ATAD2B: variants seen among roughly 807,000 people sequenced by gnomAD.
ATAD2B encodes ATPase family AAA domain-containing protein 2B.
A neutral mutation model predicts 167.6 loss-of-function variants in ATAD2B; 40 were observed. The ratio of observed to expected loss-of-function variants is 0.24; its 90% confidence interval spans 0.19 to 0.31. ATAD2B has a LOEUF of 0.31. ATAD2B is among the 10% of genes least tolerant of loss of function. The pLI is 1.00. For synonymous variants in ATAD2B, 579 were observed against 596.5 expected, an observed-to-expected ratio of 0.97 and a Z score of 0.43; for missense variants, 1,242 against 1,757.2, an observed-to-expected ratio of 0.71 and a Z score of 5.24.
chr2:23,817,173 A>G (rs1228922009), intron 17 of ATAD2B, among the ~76,000 whole-genome samples: 1 of 152,218 alleles, frequency 6.6e-6, no homozygotes, highest in Non-Finnish European at 1.5e-5. Flanking sequence ...TAAAGAAGCA[A>G]TGCAATTCCC....
chr2:23,695,578 T>G, the ATAD2B span: 4 of 1,363,380 alleles, frequency 2.9e-6, no homozygotes, highest in East Asian at 2.5e-5. This position sits in a 1 kb window ranked among gnomAD's most constrained non-coding sequence, Gnocchi z 7.6. Context: ...GGGAGGTGGC[T>G]CTCTCTTGCT....
the ATAD2B span, among the ~76,000 whole-genome samples, chr2:23,714,303 G>C: frequency 6.7e-6 from 1 of 149,182 alleles, no homozygotes; most frequent in African/African-American, 2.5e-5. Context: ...GCAGTGGCGC[G>C]ATCTCGGCTC....
intron 18 of ATAD2B, among the ~76,000 whole-genome samples, chr2:23,807,815 T>TA (rs375966207): frequency 1.2e-4 from 14 of 119,504 alleles, no homozygotes; most frequent in African/African-American, 4.1e-4. Flanking sequence ...GACTCCATCT[T>TA]AAAAAAAAAA....
At chr2:23,926,223 C>G (rs1482666576) in intron 1 of ATAD2B, among the ~76,000 whole-genome samples, 3 of 152,206 alleles carry the variant, frequency 2.0e-5, no homozygotes, top group Admixed American at 2.0e-4. Flanking sequence ...TCTGGCCCTT[C>G]GCTCTTGCTT....
At chr2:23,789,149 C>T (rs1681271433) in intron 19 of ATAD2B, among the ~76,000 whole-genome samples, 1 of 151,984 alleles carries the variant, frequency 6.6e-6, no homozygotes. Flanking sequence ...GAAACTATAC[C>T]TCTAGTCTAG....
chr2:23,911,523 C>T (rs1702298539), intron 1 of ATAD2B, among the ~76,000 whole-genome samples: 1 of 151,598 alleles, frequency 6.6e-6, no homozygotes, highest in Admixed American at 6.6e-5. Flanking sequence ...CCTCTTCACT[C>T]CAGCCTGGAT....
At chr2:23,807,981 TTATA>T (rs568617418) in intron 18 of ATAD2B, among the ~76,000 whole-genome samples, 1,481 of 126,742 alleles carry the variant, frequency 0.012, 26 homozygotes, top group African/African-American at 0.043. Context: ...ATAAATATAT[TTATA>T]TATAAATTTA....
intron 19 of ATAD2B, 75 bp from the exon 20 acceptor site, chr2:23,788,722 T>C (rs1402052992): frequency 8.3e-6 from 8 of 967,890 alleles, no homozygotes; most frequent in East Asian, 2.8e-5. Context: ...CAAATTGCAA[T>C]GTCTTCATCT....
intron 15 of ATAD2B, among the ~76,000 whole-genome samples, chr2:23,827,462 G>A (rs1191492661): frequency 6.6e-6 from 1 of 152,162 alleles, no homozygotes; most frequent in Admixed American, 6.6e-5. Context: ...GTAATTTAGA[G>A]TACCTATCTC....
intron 1 of ATAD2B, among the ~76,000 whole-genome samples, chr2:23,906,460 T>A (rs4665644): frequency 0.45 from 68,479 of 151,984 alleles, 16,330 homozygotes; most frequent in East Asian, 0.78. Flanking sequence ...ATATTAGAAC[T>A]ATTAGAAAGG....
chr2:23,864,751 A>T, intron 11 of ATAD2B, 58 bp downstream of exon 11: 1 of 765,374 alleles, frequency 1.3e-6, no homozygotes. Context: ...AATTTACTCA[A>T]ATAACATTTG....
intron 1 of ATAD2B, among the ~76,000 whole-genome samples, chr2:23,902,736 A>G (rs551450129): frequency 1.3e-5 from 2 of 152,300 alleles, no homozygotes; most frequent in African/African-American, 4.8e-5. Flanking sequence ...TACTATGTAC[A>G]TAAGACGTGG....
In ATAD2B at chr2:23,878,093, G is replaced by A. The variant is rs183713067; in HGVS notation, c.902-2189C>T. On this transcript the variant is annotated intron_variant, in intron 7 of 27. Coordinates refer to ENST00000238789, the MANE Select transcript of ATAD2B (RefSeq NM_017552.4). ...AATTACAAATGGGCCAGGCATGGTGGCTCAGGTCTGTAATCCCAGCACTTT... is the reference window on the plus strand; with the variant it reads ...AATTACAAATGGGCCAGGCATGGTGACTCAGGTCTGTAATCCCAGCACTTT... 7.1e-3 allele frequency among the ~76,000 whole-genome samples: 1,060 copies of A among 149,802 alleles called. 14 individuals carry two copies. Among genetic ancestry groups the A allele is most frequent in the African/African-American group, 0.025 (1,022 of 40,918 alleles).
intron 10 of ATAD2B, among the ~76,000 whole-genome samples, chr2:23,865,529 CAAA>C (rs58309800): frequency 4.1e-5 from 4 of 96,526 alleles, no homozygotes; most frequent in East Asian, 3.1e-4. Flanking sequence ...AACTCCACCT[CAAA>C]AAAAAAAAAA....
intron 13 of ATAD2B, among the ~76,000 whole-genome samples, chr2:23,836,029 G>A (rs569365088): frequency 4.0e-4 from 61 of 152,064 alleles, no homozygotes; most frequent in Admixed American, 2.9e-3. Context: ...GGCTGGTAGT[G>A]CCTCTGCCTC....
the ATAD2B span, among the ~76,000 whole-genome samples, chr2:23,704,402 G>A: frequency 2.6e-5 from 4 of 152,236 alleles, no homozygotes; most frequent in Non-Finnish European, 4.4e-5. Context: ...TTCTGGCCCT[G>A]TGGCAGCGAG....
chr2:23,881,360 CTTTTT>C (rs11361642), intron 6 of ATAD2B, among the ~76,000 whole-genome samples: 5 of 80,204 alleles, frequency 6.2e-5, no homozygotes, highest in Non-Finnish European at 2.3e-5. Context: ...GTGATCAATT[CTTTTT>C]TTTTTTTTTT....
At chr2:23,859,471 G>A (rs950624363) in intron 12 of ATAD2B, among the ~76,000 whole-genome samples, 2 of 148,886 alleles carry the variant, frequency 1.3e-5, no homozygotes, top group African/African-American at 4.9e-5. Context: ...AACACACTTG[G>A]CTAATTTTTG....
Position 23,927,073 on chromosome 2 carries a change from C to G in ATAD2B, c.-303G>C, listed in dbSNP as rs1047205538. The G allele has an allele frequency of 4.0e-5, 14 of 351,050 alleles. No individual in the cohort carries two copies. The Admixed American group carries it at 4.4e-4, about 11-fold the overall frequency. The allele number at this position is 351,050 out of a possible 1,614,324, so 21.7% of individuals were successfully genotyped here. A position where few individuals can be genotyped will look rare whatever the true frequency, so the allele number is the denominator to read the frequency against. Reference sequence around the variant, plus strand: ...CATTTCTACCCCTTTCTCTCCCGTTCTCGCTCTCGAGCTCCGTGCGTCAAG... The same window carrying G: ...CATTTCTACCCCTTTCTCTCCCGTTGTCGCTCTCGAGCTCCGTGCGTCAAG... On this transcript the variant is annotated 5_prime_UTR_variant, in exon 1 of 28. Coordinates refer to ENST00000238789, the MANE Select transcript of ATAD2B (RefSeq NM_017552.4).
Sources: allele counts gnomAD v4.1 joint callset (sites outside exome capture counted in the v4.1 genomes callset), GRCh38; gene constraint gnomAD v4.1.1; non-coding constraint Gnocchi (gnomAD v3.1); transcripts MANE v1.5; gene names NCBI Gene and HGNC (gene_info 2026-07-23, HGNC 2026-07-21).